Variants in FAM204A observed in about 807,000 individuals in gnomAD.
FAM204A encodes protein FAM204A.
A neutral mutation model predicts 35.4 loss-of-function variants in FAM204A; 16 were observed. That is an observed-to-expected ratio of 0.45 (90% CI 0.31 to 0.69). The LOEUF is 0.69. Among genes scored for constraint, FAM204A ranks in the 30% least tolerant of loss-of-function variants. The pLI, the probability that FAM204A is intolerant of heterozygous loss-of-function variation, is 0.07. For missense variants in FAM204A, 240 were observed against 265.7 expected, an observed-to-expected ratio of 0.90 and a Z score of 0.67; for synonymous variants, 76 against 86.9, an observed-to-expected ratio of 0.88 and a Z score of 0.70.
At chr10:118,325,692 A>G (rs1465000132) in intron 7 of FAM204A, among the ~76,000 whole-genome samples, 1 of 152,158 alleles carries the variant, frequency 6.6e-6, no homozygotes. Flanking sequence ...ATACTATAGA[A>G]AAAAAGAAAA....
Position 118,310,130 on chromosome 10 carries a change from C to CA in FAM204A, c.*726dup, listed in dbSNP as rs1845924356. 6.6e-6 allele frequency: 1 copy of CA among 152,032 alleles called. No homozygotes were observed. The highest frequency in any genetic ancestry group is 6.5e-5 in the Admixed American group (1 of 15,274). The allele number at this position is 152,032 out of a possible 1,614,324, so 9.4% of individuals were successfully genotyped here. On this transcript the variant is annotated 3_prime_UTR_variant, in exon 9 of 9. Coordinates refer to ENST00000369183, the MANE Select transcript of FAM204A (RefSeq NM_022063.3). ...CGACTAATCCATTATAAACAACTGT[C>CA]AGTCTTAAAAACACAGTTCCAGTAA...
chr10:118,330,179 C>T (rs1176150767), intron 6 of FAM204A, among the ~76,000 whole-genome samples: 2 of 152,238 alleles, frequency 1.3e-5, no homozygotes, highest in African/African-American at 2.4e-5. Flanking sequence ...TCAAATGTCA[C>T]TGACACATAT....
At chr10:118,326,114 A>G in intron 7 of FAM204A, 40 bp downstream of exon 7, 1 of 1,489,426 alleles carries the variant, frequency 6.7e-7, no homozygotes, top group Non-Finnish European at 9.2e-7. Context: ...TATTCTAGAA[A>G]ATTTGAAAAT....
chr10:118,335,605 T>C lies in FAM204A; in HGVS notation c.271A>G (p.Lys91Glu). The change falls in exon 4 of 9, where the codon AAA becomes GAA. Residue 91 changes from lysine to glutamate, a missense_variant. Transcript: ENST00000369183. ...CCTCTGAATCTTGAGGTTGTGCTTT[T>C]CTGTTCAGAATGTTTTTTATGCAAT... Reference protein sequence around the residue: ...QELHKKHSEQKSTTSRFRGKR... With the variant: ...QELHKKHSEQESTTSRFRGKR... The C allele has an allele frequency of 6.2e-7, 1 of 1,610,712 alleles. No individual in the cohort carries two copies. Among genetic ancestry groups the C allele is most frequent in the Non-Finnish European group, 8.5e-7 (1 of 1,179,236 alleles).
chr10:118,336,244 T>C lies in FAM204A; in HGVS notation c.172A>G (p.Thr58Ala). 3 of 1,613,922 alleles carry C rather than the reference T, an allele frequency of 1.9e-6. No homozygotes were observed. Among genetic ancestry groups the C allele is most frequent in the Non-Finnish European group, 2.5e-6 (3 of 1,179,814 alleles). The stretch of plus-strand genomic sequence containing the variant: ...TCATAGGCATTTACATTTGACTCTG[T>C]TTCAGTTTTTGGTTCATCTGTTGAG... ...DFSTDEPKTE[T>A]ESNVNAYEEC... The change falls in exon 3 of 9, where the codon ACA (threonine) becomes GCA (alanine). Residue 58 changes from threonine (T) to alanine (A), a missense_variant. Thr to Ala is a moderately conservative substitution (Grantham distance 58, BLOSUM62 0). Coordinates refer to ENST00000369183, the MANE Select transcript of FAM204A (RefSeq NM_022063.3).
At chr10:118,316,661 C>T (rs1163248091) in intron 7 of FAM204A, among the ~76,000 whole-genome samples, 4 of 151,994 alleles carry the variant, frequency 2.6e-5, no homozygotes, top group Non-Finnish European at 5.9e-5. Flanking sequence ...AAAGCATAAC[C>T]CAACAAATCC....
intron 7 of FAM204A, among the ~76,000 whole-genome samples, chr10:118,315,635 A>G (rs1237421187): frequency 2.6e-5 from 4 of 152,140 alleles, no homozygotes; most frequent in East Asian, 3.9e-4. Context: ...TTTAATTTTT[A>G]TATCAGTTTG....
Position 118,336,220 on chromosome 10 carries a change from C to T in FAM204A, c.196G>A (p.Glu66Lys). The change falls in exon 3 of 9, where the codon GAA becomes AAA. Residue 66 changes from glutamate to lysine, a missense_variant. Around this residue, in one of 2 missense-constraint regions of FAM204A, gnomAD observed 232 missense variants for 242.8 expected, o/e 0.96. Transcript: ENST00000369183. ...ATGGGAATTCCAGAAGGACACTCTT[C>T]ATAGGCATTTACATTTGACTCTGTT... Reference protein sequence around the residue: ...TETESNVNAYEECPSGIPIDM... With the variant: ...TETESNVNAYKECPSGIPIDM... 2 of 1,613,884 alleles carry T rather than the reference C, an allele frequency of 1.2e-6. No homozygotes were observed. Among genetic ancestry groups the T allele is most frequent in the South Asian group, 1.1e-5 (1 of 91,070 alleles).
At chr10:118,332,383 G>A (rs1846306283) in intron 6 of FAM204A, among the ~76,000 whole-genome samples, 1 of 151,496 alleles carries the variant, frequency 6.6e-6, no homozygotes, top group Admixed American at 6.6e-5. Context: ...AAATCACACA[G>A]GAACCAAGAG....
At position 118,342,307 on chromosome 10, in the gene FAM204A, C is replaced by G. The variant is rs970965711; in HGVS notation, c.-247G>C. The G allele has an allele frequency of 1.3e-5, 2 of 152,480 alleles. No individual in the cohort carries two copies. The highest frequency in any genetic ancestry group is 2.9e-5 in the Non-Finnish European group (2 of 68,234). 9.4% of individuals were successfully genotyped at this position (152,480 alleles called of 1,614,324 possible). ...GGTCGCCCAGCAGCCATCTTAGGAC[C>G]CCGTCAACATCGCGCCTTCTCATTG... On this transcript the variant is annotated 5_prime_UTR_variant, in exon 1 of 9. Transcript: ENST00000369183.
At position 118,301,490 on chromosome 10, in the gene FAM204A, G is replaced by A. The variant is rs1231661566; in HGVS notation, c.*9367C>T. ...AACAGGAACTCTGAGTTAGGAAACC[G>A]AATCTTTTGTAATGGGAGTAAGCAT... is the stretch of plus-strand genomic sequence containing the variant. On this transcript the variant is annotated 3_prime_UTR_variant, in exon 9 of 9. Transcript: ENST00000369183. The A allele has an allele frequency of 1.3e-5, 2 of 152,168 alleles. No homozygotes were observed. Among genetic ancestry groups the A allele is most frequent in the African/African-American group, 4.8e-5 (2 of 41,442 alleles). 9.4% of individuals were successfully genotyped at this position (152,168 alleles called of 1,614,324 possible).
At chr10:118,314,926 A>C (rs995971226) in intron 7 of FAM204A, among the ~76,000 whole-genome samples, 14 of 152,120 alleles carry the variant, frequency 9.2e-5, no homozygotes, top group African/African-American at 3.4e-4. Flanking sequence ...TTTTATCACC[A>C]TATTTCAGGA....
In FAM204A at chr10:118,323,249, G is replaced by T. The variant is rs113543000; in HGVS notation, c.543+2905C>A. 8.4e-3 allele frequency among the ~76,000 whole-genome samples: 1,271 copies of T among 152,168 alleles called. 18 individuals carry two copies. Among genetic ancestry groups the T allele is most frequent in the African/African-American group, 0.029 (1,225 of 41,538 alleles). ...TCCATACCATTTCTAAGAACAATAG[G>T]GCAGCCATACTCTATGTCCCTGCTG... On this transcript the variant is annotated intron_variant, in intron 7 of 8. Coordinates refer to ENST00000369183, the MANE Select transcript of FAM204A (RefSeq NM_022063.3).
chr10:118,315,377 G>A (rs1043368499), intron 7 of FAM204A, among the ~76,000 whole-genome samples: 6 of 151,956 alleles, frequency 3.9e-5, no homozygotes, highest in Admixed American at 3.3e-4. Context: ...TTTCTTATCC[G>A]TTTCAGAGTA....
intron 6 of FAM204A, among the ~76,000 whole-genome samples, chr10:118,329,575 C>T (rs966411692): frequency 6.6e-6 from 1 of 152,150 alleles, no homozygotes; most frequent in Non-Finnish European, 1.5e-5. Flanking sequence ...CCCCATCACC[C>T]TCCCCAAACC....
In FAM204A at chr10:118,309,522, A is replaced by T. The variant is rs999668780; in HGVS notation, c.*1335T>A. ...AGGTGAACTGACAAAAACCATGCTG[A>T]GTGGTTCTTTACCTCCGCTGGGCAC... On this transcript the variant is annotated 3_prime_UTR_variant, in exon 9 of 9. Transcript: ENST00000369183. 1.3e-5 allele frequency: 2 copies of T among 152,182 alleles called. No homozygotes were observed. Among genetic ancestry groups the T allele is most frequent in the African/African-American group, 4.8e-5 (2 of 41,434 alleles). 9.4% of individuals were successfully genotyped at this position (152,182 alleles called of 1,614,324 possible).
rs1332487355 is a variant in FAM204A, at chr10:118,319,373, T to C, written c.543+6781A>G. 4.6e-5 allele frequency among the ~76,000 whole-genome samples: 7 copies of C among 152,082 alleles called. No homozygotes were observed. In the East Asian group the frequency reaches 1.2e-3, roughly 25 times the overall value. ...GGCCATTCCTACCTTCTTGAAATAT[T>C]GACAAACTATTACTACTTCAACATT... On this transcript the variant is annotated intron_variant, in intron 7 of 8. Coordinates refer to ENST00000369183, the MANE Select transcript of FAM204A (RefSeq NM_022063.3).
At chr10:118,330,519 C>T (rs1205384024) in intron 6 of FAM204A, among the ~76,000 whole-genome samples, 1 of 152,170 alleles carries the variant, frequency 6.6e-6, no homozygotes, top group Non-Finnish European at 1.5e-5. Flanking sequence ...CCTCTGTTTC[C>T]TCAAAGATAA....
At position 118,304,505 on chromosome 10, in the gene FAM204A, T is replaced by G. The variant is rs1446027173; in HGVS notation, c.*6352A>C. The G allele has an allele frequency of 6.6e-6, 1 of 152,454 alleles. No homozygotes were observed. Among genetic ancestry groups the G allele is most frequent in the East Asian group, 1.9e-4 (1 of 5,194 alleles). The allele number at this position is 152,454 out of a possible 1,614,324, so 9.4% of individuals were successfully genotyped here. On this transcript the variant is annotated 3_prime_UTR_variant, in exon 9 of 9. Coordinates refer to ENST00000369183, the MANE Select transcript of FAM204A (RefSeq NM_022063.3). ...GTGAGTTGGTTCTGGCCAGCTCTTT[T>G]CAACGCCATCTCTTTCTGCTGCTCT...
Sources: allele counts gnomAD v4.1 joint callset (sites outside exome capture counted in the v4.1 genomes callset), GRCh38; gene constraint gnomAD v4.1.1; regional missense constraint gnomAD v4.1.1; transcripts MANE v1.5; gene names NCBI Gene and HGNC (gene_info 2026-07-23, HGNC 2026-07-21).